Variants in ESR1 observed in about 807,000 individuals in gnomAD.
ESR1 encodes estrogen receptor.
ESR1 carries 12 observed loss-of-function variants against 52.7 expected under a neutral mutation model. The observed-to-expected ratio is 0.23, with a 90% confidence interval of 0.15 to 0.37. The LOEUF is 0.37. Among genes scored for constraint, ESR1 ranks in the 10% least tolerant of loss-of-function variants. The pLI is 1.00. For missense variants in ESR1, 584 were observed against 779.7 expected (o/e 0.75, Z 2.99); for synonymous variants, 305 against 316.8 (o/e 0.96, Z 0.39).
intron 3 of ESR1, among the ~76,000 whole-genome samples, chr6:151,925,638 C>T (rs2032599968): frequency 6.6e-6 from 1 of 152,098 alleles, no homozygotes; most frequent in African/African-American, 2.4e-5. Flanking sequence ...TACGTACATA[C>T]ATAAAATTGG....
At chr6:151,724,596 A>G (rs1328264793) in intron 2 of ESR1, among the ~76,000 whole-genome samples, 1 of 152,010 alleles carries the variant, frequency 6.6e-6, no homozygotes, top group African/African-American at 2.4e-5. Flanking sequence ...ATACACACAC[A>G]CACACACACA....
chr6:151,836,742 T>A (rs779371299), intron 1 of ESR1, among the ~76,000 whole-genome samples: 2 of 152,262 alleles, frequency 1.3e-5, no homozygotes, highest in African/African-American at 4.8e-5. Flanking sequence ...GAATTTTGAG[T>A]GTACATAGCT....
At chr6:151,871,379 A>G (rs1790939373) in intron 2 of ESR1, among the ~76,000 whole-genome samples, 1 of 151,764 alleles carries the variant, frequency 6.6e-6, no homozygotes, top group Admixed American at 6.6e-5. Context: ...CATCCTCCCA[A>G]AGTGAAGCTC....
chr6:151,768,074 C>T (rs878930863), intron 2 of ESR1, among the ~76,000 whole-genome samples: 26 of 152,090 alleles, frequency 1.7e-4, no homozygotes, highest in African/African-American at 6.0e-4. Flanking sequence ...TGCTAAAATT[C>T]GTGAGGGAAA....
intron 2 of ESR1, among the ~76,000 whole-genome samples, chr6:151,706,454 C>T (rs1354995587): frequency 1.3e-5 from 2 of 152,082 alleles, no homozygotes; most frequent in African/African-American, 4.8e-5. Flanking sequence ...TCCTTGTTTG[C>T]CTCAACCAGG....
chr6:151,980,459 GT>G (rs36115869), intron 4 of ESR1, among the ~76,000 whole-genome samples: 12 of 151,964 alleles, frequency 7.9e-5, no homozygotes, highest in Admixed American at 5.9e-4. Context: ...AACAACATAT[GT>G]TTTTTCCTAA....
chr6:151,712,465 A>C (rs1180764094), intron 2 of ESR1, among the ~76,000 whole-genome samples: 2 of 152,168 alleles, frequency 1.3e-5, no homozygotes, highest in African/African-American at 4.8e-5. Context: ...GATTCTTCCT[A>C]TCCAAGAGCA....
chr6:151,968,605 C>G (rs1020930175), intron 4 of ESR1, among the ~76,000 whole-genome samples: 1 of 152,048 alleles, frequency 6.6e-6, no homozygotes, highest in African/African-American at 2.4e-5. Flanking sequence ...TGTGTCCTCT[C>G]TTTCTTTCTC....
intron 2 of ESR1, among the ~76,000 whole-genome samples, chr6:151,866,946 C>T (rs1289632952): frequency 6.6e-6 from 1 of 152,054 alleles, no homozygotes; most frequent in Admixed American, 6.6e-5. Context: ...GATCAGAGGC[C>T]TCAGAAATAA....
upstream of ESR1, among the ~76,000 whole-genome samples, chr6:151,800,339 A>G (rs1397199731): frequency 6.6e-6 from 1 of 152,094 alleles, no homozygotes; most frequent in Non-Finnish European, 1.5e-5. Context: ...AATAGGACTA[A>G]ACACTAAGCC....
chr6:152,008,338 A>G lies in ESR1; in HGVS notation c.1097-3318A>G, dbSNP rs144992351. The stretch of plus-strand genomic sequence containing the variant: ...GCACAGCTGGGAAAGATAATTAAAT[A>G]GACTCTTTTTGAGAGGTCTACAACA... On this transcript the variant is annotated intron_variant, in intron 4 of 7. Transcript: ENST00000206249. 3.7e-4 allele frequency among the ~76,000 whole-genome samples: 56 copies of G among 152,266 alleles called. No homozygotes were observed. In the East Asian group the frequency reaches 8.3e-3, roughly 23 times the overall value.
At chr6:152,045,637 G>A (rs755486872) in intron 5 of ESR1, among the ~76,000 whole-genome samples, 8 of 152,126 alleles carry the variant, frequency 5.3e-5, no homozygotes, top group Admixed American at 2.0e-4. Flanking sequence ...GTAGTGATTA[G>A]ATATCTAGTA....
At chr6:151,702,740 A>T (rs1779890739) in intron 2 of ESR1, among the ~76,000 whole-genome samples, 1 of 152,240 alleles carries the variant, frequency 6.6e-6, no homozygotes. Context: ...AAAATAACTT[A>T]CTGACTGTCA....
chr6:151,689,705 C>T (rs62441985), upstream of ESR1, among the ~76,000 whole-genome samples: 557 of 152,244 alleles, frequency 3.7e-3, 1 homozygote, highest in Non-Finnish European at 5.9e-3. Flanking sequence ...GATCCTGCCT[C>T]CGCCCCATTC....
chr6:151,842,809 C>T (rs1562465864), intron 2 of ESR1, 22 bp downstream of exon 2: 2 of 1,609,656 alleles, frequency 1.2e-6, no homozygotes, highest in Non-Finnish European at 1.7e-6. Context: ...TTGAAAACGA[C>T]TTCTATTTTT....
intron 2 of ESR1, among the ~76,000 whole-genome samples, chr6:151,795,993 C>CAA (rs78880143): frequency 0.012 from 1,787 of 145,872 alleles, 32 homozygotes; most frequent in African/African-American, 0.041. Flanking sequence ...CTAAAAATAC[C>CAA]AAAAAAAAAA....
intron 1 of ESR1, among the ~76,000 whole-genome samples, chr6:151,676,803 A>G (rs1295653700): frequency 1.3e-5 from 2 of 152,190 alleles, no homozygotes; most frequent in African/African-American, 2.4e-5. Flanking sequence ...AAGAACATCA[A>G]CAAGTCCTAG....
At chr6:151,781,597 C>T (rs954379073) in intron 2 of ESR1, among the ~76,000 whole-genome samples, 1 of 152,218 alleles carries the variant, frequency 6.6e-6, no homozygotes, top group African/African-American at 2.4e-5. Context: ...GTTTGATCCC[C>T]TACATCCCAC....
intron 1 of ESR1, among the ~76,000 whole-genome samples, chr6:151,827,562 T>G (rs944907609): frequency 6.6e-6 from 1 of 152,200 alleles, no homozygotes; most frequent in Admixed American, 6.5e-5. Flanking sequence ...CGATCCTTCA[T>G]GTACACATCG....
Sources: allele counts gnomAD v4.1 joint callset (sites outside exome capture counted in the v4.1 genomes callset), GRCh38; gene constraint gnomAD v4.1.1; transcripts MANE v1.5; gene names NCBI Gene and HGNC (gene_info 2026-07-23, HGNC 2026-07-21).